The following CPAMD8 variants were observed in gnomAD, a reference collection of about 807,000 sequenced individuals.
CPAMD8 encodes the protein C3 and PZP like alpha-2-macroglobulin domain containing 8.
A neutral mutation model predicts 224.7 loss-of-function variants in CPAMD8; 146 were observed. The ratio of observed to expected loss-of-function variants is 0.65; its 90% CI spans 0.57 to 0.75. CPAMD8 has a LOEUF of 0.75. CPAMD8 is among the 30% of genes least tolerant of loss of function. The pLI is 0.00. For missense variants in CPAMD8, 2,301 were observed against 2,537.5 expected (o/e 0.91, Z 2.00); for synonymous variants, 966 against 1,044.6 (o/e 0.92, Z 1.45).
In CPAMD8 at chr19:16,997,235, C is replaced by A; in HGVS notation, c.971G>T (p.Ser324Ile). Reference sequence around the variant, plus strand: ...CGCGACCTGCTGGCTCCCGTCCACACTGGTCACCATGGCCCAGATGCTGAC... The same window carrying A: ...CGCGACCTGCTGGCTCCCGTCCACAATGGTCACCATGGCCCAGATGCTGAC... ...GRVSIWAMVT[S>I]VDGSQQVAFD... Residue 324 changes from serine (S) to isoleucine (I), a missense_variant, in exon 11 of 42, where the codon AGT (serine) becomes ATT (isoleucine). Physicochemically the swap from Ser to Ile is moderately radical, Grantham distance 142. This residue lies in a region of CPAMD8 where 301 missense variants were observed against 406.6 expected (regional missense o/e 0.74). Transcript: ENST00000443236. 6.4e-7 allele frequency: 1 copy of A among 1,561,376 alleles called. No individual in the cohort carries two copies. The highest frequency in any genetic ancestry group is 1.7e-4 in the Middle Eastern group (1 of 5,966).
At chr19:16,903,094 C>T (rs2052328059) in intron 34 of CPAMD8, among the ~76,000 whole-genome samples, 1 of 152,208 alleles carries the variant, frequency 6.6e-6, no homozygotes, top group South Asian at 2.1e-4. Flanking sequence ...GAGCTGTGCT[C>T]AGCTATGTCT....
chr19:16,993,806 C>T (rs945626938), intron 11 of CPAMD8, among the ~76,000 whole-genome samples: 13 of 152,260 alleles, frequency 8.5e-5, no homozygotes, highest in East Asian at 1.9e-4. Context: ...GGAGTGGTGG[C>T]GTGTGCCTGT....
chr19:16,939,254 A>G (rs2053804963), intron 22 of CPAMD8, among the ~76,000 whole-genome samples: 1 of 151,704 alleles, frequency 6.6e-6, no homozygotes, highest in African/African-American at 2.4e-5. Flanking sequence ...CCCAGGCTGG[A>G]GTGCAGTGGT....
chr19:16,910,418 C>T (rs544913572), intron 29 of CPAMD8: 2 of 151,894 alleles, frequency 1.3e-5, no homozygotes, highest in African/African-American at 4.8e-5. Flanking sequence ...GATCTGCCCG[C>T]CTCAGCCTCC....
chr19:16,971,175 T>C, intron 17 of CPAMD8, 142 bp from the exon 18 acceptor site: 1 of 701,674 alleles, frequency 1.4e-6, no homozygotes, highest in Non-Finnish European at 2.3e-6. Context: ...TTTTTTTGCT[T>C]TTTTGGGTTT....
intron 11 of CPAMD8, among the ~76,000 whole-genome samples, chr19:16,994,676 C>A (rs966900000): frequency 1.2e-4 from 9 of 75,676 alleles, no homozygotes; most frequent in African/African-American, 4.5e-4. Context: ...CAATACCATG[C>A]CTGGCTAATT....
chr19:16,967,940 TAC>T (rs1599804406), intron 18 of CPAMD8, among the ~76,000 whole-genome samples: 1 of 148,904 alleles, frequency 6.7e-6, no homozygotes, highest in Non-Finnish European at 1.5e-5. Context: ...TGTATATATA[TAC>T]ATGTTGCTCT....
At chr19:16,938,659 T>G (rs1053500230) in intron 22 of CPAMD8, among the ~76,000 whole-genome samples, 9 of 152,130 alleles carry the variant, frequency 5.9e-5, no homozygotes, top group Admixed American at 4.6e-4. Flanking sequence ...ATGGGGAAAC[T>G]GAGGCTGCTC....
chr19:16,970,450 G>A (rs2055019589), intron 18 of CPAMD8, among the ~76,000 whole-genome samples: 1 of 150,240 alleles, frequency 6.7e-6, no homozygotes, highest in African/African-American at 2.5e-5. Flanking sequence ...AGACAGGCAT[G>A]GTGGCATGCC....
At chr19:17,009,265 C>A (rs2056582550) in intron 6 of CPAMD8, 38 bp downstream of exon 6, 1 of 1,613,880 alleles carries the variant, frequency 6.2e-7, no homozygotes, top group South Asian at 1.1e-5. Context: ...GCTACCCGGG[C>A]CCCAAGTCCA....
Position 16,990,071 on chromosome 19 carries a change from G to C in CPAMD8, c.1267-300C>G, listed in dbSNP as rs923750350. Among the ~76,000 whole-genome samples, 25 of 152,112 alleles carry C rather than the reference G, an allele frequency of 1.6e-4. 1 individual carries two copies. The highest frequency in any genetic ancestry group is 2.4e-4 in the Non-Finnish European group (16 of 68,026). ...GTTCGAGACCAGCCTGGCCAACATG[G>C]AGAAACCCCGTCTCTACTGAAAAAA... On this transcript the variant is annotated intron_variant, in intron 12 of 41. Coordinates refer to ENST00000443236, the MANE Select transcript of CPAMD8 (RefSeq NM_015692.5).
In CPAMD8 at chr19:17,026,777, G is replaced by C; in HGVS notation, c.-135C>G. The C allele has an allele frequency of 1.8e-6, 2 of 1,139,470 alleles. No homozygotes were observed. Among genetic ancestry groups the C allele is most frequent in the Middle Eastern group, 3.6e-4 (1 of 2,744 alleles). The allele number at this position is 1,139,470 out of a possible 1,614,324, so 70.6% of individuals were successfully genotyped here. On this transcript the variant is annotated 5_prime_UTR_variant, in exon 1 of 42. Transcript: ENST00000443236. ...TCGCAGCCCCCGCGCAGTGCGCCCG[G>C]CGCCATGCGCCCCGCTCCGCGCCCG...
chr19:16,963,954 G>C (rs1487202115), intron 18 of CPAMD8, among the ~76,000 whole-genome samples: 1 of 152,046 alleles, frequency 6.6e-6, no homozygotes, highest in Non-Finnish European at 1.5e-5. Flanking sequence ...GTAAATAACG[G>C]AATGAAGGCA....
chr19:16,902,914 G>C (rs2144736356), intron 34 of CPAMD8, 51 bp from the exon 35 acceptor site: 1 of 1,237,662 alleles, frequency 8.1e-7, no homozygotes, highest in Middle Eastern at 2.0e-4. Context: ...CTCCATAACA[G>C]GTGCAGGGTA....
At chr19:16,927,119 G>A (rs369881111) in intron 25 of CPAMD8, among the ~76,000 whole-genome samples, 2 of 152,100 alleles carry the variant, frequency 1.3e-5, no homozygotes, top group East Asian at 3.9e-4. Flanking sequence ...GGCTACTAGA[G>A]GCATCCTGAT....
intron 3 of CPAMD8, chr19:17,013,496 G>C (rs2056720384): frequency 1.6e-5 from 1 of 62,398 alleles, no homozygotes; most frequent in East Asian, 4.3e-4. Context: ...GGATGACAGA[G>C]CGAGACTCCG....
chr19:17,025,916 C>G (rs1459574431), intron 1 of CPAMD8, among the ~76,000 whole-genome samples: 1 of 152,168 alleles, frequency 6.6e-6, no homozygotes, highest in Non-Finnish European at 1.5e-5. Flanking sequence ...ACAAGGGCTG[C>G]TTGAACAAGC....
intron 18 of CPAMD8, among the ~76,000 whole-genome samples, chr19:16,964,698 A>G (rs906928003): frequency 3.9e-4 from 59 of 152,242 alleles, no homozygotes; most frequent in African/African-American, 1.4e-3. Context: ...TGAGGCCAGC[A>G]TCATCCTGAT....
chr19:16,987,176 A>C (rs2055761873), intron 13 of CPAMD8, among the ~76,000 whole-genome samples: 3 of 90,992 alleles, frequency 3.3e-5, no homozygotes, highest in Non-Finnish European at 6.1e-5. Context: ...AAAAAAAAAA[A>C]AAAATATATA....
Sources: gnomAD v4.1 joint callset for allele counts (sites outside exome capture counted in the v4.1 genomes callset) on GRCh38, gnomAD v4.1.1 for gene constraint, gnomAD v4.1.1 regional missense constraint, MANE v1.5 for transcripts, NCBI Gene and HGNC (gene_info 2026-07-23, HGNC 2026-07-21) for gene names.